ADGRF1: variants seen among roughly 807,000 people sequenced by gnomAD.
ADGRF1 encodes the protein adhesion G protein-coupled receptor F1.
Under a neutral mutation model 87.2 loss-of-function variants are expected in ADGRF1, and 85 were observed. The observed-to-expected ratio is 0.97, with a 90% CI of 0.82 to 1.17. ADGRF1 has a LOEUF of 1.17. Ranked by LOEUF, ADGRF1 falls within the 50% of genes most tolerant of loss-of-function variation. ADGRF1 has a pLI of 0.00. For missense variants in ADGRF1, 1,169 were observed against 1,077.2 expected, an observed-to-expected ratio of 1.09 and a Z score of -1.19; for synonymous variants, 430 against 408.8, an observed-to-expected ratio of 1.05 and a Z score of -0.63.
intron 1 of ADGRF1, among the ~76,000 whole-genome samples, chr6:47,031,316 GTCTCTCTCTCTCTCT>G (rs1780416959): frequency 1.1e-5 from 1 of 94,228 alleles, no homozygotes; most frequent in African/African-American, 4.0e-5. Context: ...CTGTCTCTCT[GTCTCTCTCTCTCTCT>G]TCTCTCTCTC....
In ADGRF1 at chr6:47,009,094, C is replaced by A; in HGVS notation, c.2341G>T (p.Asp781Tyr). The A allele has an allele frequency of 6.2e-7, 1 of 1,614,072 alleles. No homozygotes were observed. The highest frequency in any genetic ancestry group is 1.7e-4 in the Middle Eastern group (1 of 6,060). The change falls in exon 11 of 15, where the codon GAT (aspartate) becomes TAT (tyrosine). Residue 781 changes from aspartate (D) to tyrosine (Y), a missense_variant. Coordinates refer to ENST00000371253, the MANE Select transcript of ADGRF1 (RefSeq NM_153840.4). The stretch of plus-strand genomic sequence containing the variant: ...ACGCGGATGATGGTGGCCTTGTCAT[C>A]CCGACTCAGTCTTTCCCCAACAGTC... ...RPTVGERLSR[D>Y]DKATIIRVGK...
At chr6:47,011,868 G>T in intron 10 of ADGRF1, 139 bp downstream of exon 10, 1 of 722,674 alleles carries the variant, frequency 1.4e-6, no homozygotes, top group Non-Finnish European at 2.2e-6. Context: ...GTATACCTCA[G>T]AGGAAGCAGT....
At chr6:47,027,796 T>G (rs200150569) in intron 2 of ADGRF1, 35 bp from the exon 3 acceptor site, 2 of 1,223,216 alleles carry the variant, frequency 1.6e-6, no homozygotes, top group Non-Finnish European at 2.4e-6. Flanking sequence ...ACGGTGAGAC[T>G]TTGAAGAGTT....
intron 1 of ADGRF1, among the ~76,000 whole-genome samples, chr6:47,037,924 A>G: frequency 6.6e-6 from 1 of 152,064 alleles, no homozygotes; most frequent in Non-Finnish European, 1.5e-5. Context: ...GCAGTGGTGC[A>G]ATCTCTGCTT....
At chr6:47,006,167 T>G (rs531231473) in intron 12 of ADGRF1, among the ~76,000 whole-genome samples, 1 of 152,314 alleles carries the variant, frequency 6.6e-6, no homozygotes, top group East Asian at 1.9e-4. Context: ...GTGAAGAGTT[T>G]CCTAACCACA....
intron 5 of ADGRF1, 64 bp downstream of exon 5, chr6:47,023,980 G>T: frequency 1.4e-6 from 2 of 1,411,160 alleles, no homozygotes; most frequent in Non-Finnish European, 2.0e-6. Flanking sequence ...ATGAGCAAGC[G>T]TCCCCTCTCT....
At position 47,009,828 on chromosome 6, in the gene ADGRF1, AAC is replaced by A. The variant is rs757148706; in HGVS notation, c.1605_1606del (p.Phe536LeufsTer18). On this transcript the variant is annotated frameshift_variant, in exon 11 of 15. Transcript: ENST00000371253. LOFTEE classifies it high-confidence loss of function. ...CCACTGCAAATGACTGAAATCCCAA[AAC>A]ACACAATGAGGCTGGCTCAGGTTTG... 1.9e-6 allele frequency: 3 copies of A among 1,614,138 alleles called. No individual in the cohort carries two copies. The East Asian group carries it at 6.7e-5, about 36-fold the overall frequency.
At position 46,998,390 on chromosome 6, in the gene ADGRF1, C is replaced by T. The variant is rs149289732; in HGVS notation, c.*1832G>A. The T allele has an allele frequency of 2.6e-4, 40 of 152,280 alleles. No homozygotes were observed. The East Asian group carries it at 7.5e-3, about 29-fold the overall frequency. The allele number at this position is 152,280 out of a possible 1,614,324, so 9.4% of individuals were successfully genotyped here. ...CCTCCCACTTCTTGATGCTGGGTTC[C>T]CTCCACCTCTTTGGACAACCCTATC... On this transcript the variant is annotated 3_prime_UTR_variant, in exon 15 of 15. Coordinates refer to ENST00000371253, the MANE Select transcript of ADGRF1 (RefSeq NM_153840.4).
chr6:47,019,977 AC>A, intron 7 of ADGRF1: 1 of 987,440 alleles, frequency 1.0e-6, no homozygotes, highest in Non-Finnish European at 1.2e-6. Context: ...AAGATATCTC[AC>A]CCAAAGCCCC....
chr6:47,041,437 C>T (rs1424232790), intron 1 of ADGRF1, among the ~76,000 whole-genome samples: 1 of 152,152 alleles, frequency 6.6e-6, no homozygotes, highest in Admixed American at 6.5e-5. Flanking sequence ...CCACCTTGAC[C>T]TTCTTTCTAT....
At position 47,010,047 on chromosome 6, in the gene ADGRF1, C is replaced by A. The variant is rs45598235; in HGVS notation, c.1388G>T (p.Arg463Leu). 1 of 1,613,868 alleles carries A rather than the reference C, an allele frequency of 6.2e-7. No homozygotes were observed. The highest frequency in any genetic ancestry group is 8.5e-7 in the Non-Finnish European group (1 of 1,179,996). ...PQNTSIPIRG[R>L]VLIGSDQFQR... ...GAATTGGTCTGACCCAATTAACACA[C>A]GGCCTCTGATGGGAATAGATGTATT... Residue 463 changes from arginine to leucine, a missense_variant, in exon 11 of 15, where the codon CGT (arginine) becomes CTT (leucine). Transcript: ENST00000371253.
chr6:47,032,837 A>T (rs1554137582), intron 1 of ADGRF1, among the ~76,000 whole-genome samples: 1 of 151,832 alleles, frequency 6.6e-6, no homozygotes, highest in Non-Finnish European at 1.5e-5. Flanking sequence ...GATGGCCATC[A>T]CTCTGGAAAT....
At chr6:47,040,644 T>C (rs997977850) in intron 1 of ADGRF1, among the ~76,000 whole-genome samples, 3 of 152,170 alleles carry the variant, frequency 2.0e-5, no homozygotes, top group African/African-American at 7.2e-5. Flanking sequence ...TTCTGACTTG[T>C]GCACCCTTGT....
intron 7 of ADGRF1, chr6:47,020,067 C>T: frequency 1.0e-6 from 1 of 1,003,690 alleles, no homozygotes. Flanking sequence ...CAACCCGCAA[C>T]CCTTATCCCC....
At chr6:47,027,849 T>A in intron 2 of ADGRF1, 88 bp from the exon 3 acceptor site, 1 of 856,506 alleles carries the variant, frequency 1.2e-6, no homozygotes, top group Admixed American at 2.0e-5. Context: ...TGAATTAAAA[T>A]CATGAATCTA....
At chr6:47,026,719 T>C (rs1246720509) in intron 3 of ADGRF1, among the ~76,000 whole-genome samples, 1 of 152,066 alleles carries the variant, frequency 6.6e-6, no homozygotes, top group East Asian at 1.9e-4. Flanking sequence ...GGCTTCAAGG[T>C]CCCCCGAAGC....
In ADGRF1 at chr6:47,009,945, C is replaced by G. The variant is rs1213947220; in HGVS notation, c.1490G>C (p.Gly497Ala). The change falls in exon 11 of 15, where the codon GGA (glycine) becomes GCA (alanine). Residue 497 changes from glycine to alanine, a missense_variant. Gly to Ala is a moderately conservative substitution (Grantham distance 60). Coordinates refer to ENST00000371253, the MANE Select transcript of ADGRF1 (RefSeq NM_153840.4). Reference sequence around the variant, plus strand: ...CACAGGTCCATTGACCTGAGCATTTCCATTTTTGGAAACGGGTAGAATGTT... The same window carrying G: ...CACAGGTCCATTGACCTGAGCATTTGCATTTTTGGAAACGGGTAGAATGTT... ...LGNILPVSKNGNAQVNGPVIS... is the reference protein window; with the variant it reads ...LGNILPVSKNANAQVNGPVIS... 2 of 1,613,984 alleles carry G rather than the reference C, an allele frequency of 1.2e-6. No individual in the cohort carries two copies. The highest frequency in any genetic ancestry group is 8.5e-7 in the Non-Finnish European group (1 of 1,179,962).
chr6:47,009,068 C>T lies in ADGRF1; in HGVS notation c.2367G>A (p.Val789=). The change falls in exon 11 of 15, where the codon GTG becomes GTA. Residue 789 remains valine (V), a synonymous_variant. Coordinates refer to ENST00000371253, the MANE Select transcript of ADGRF1 (RefSeq NM_153840.4). The part of the protein sequence containing the change: ...SRDDKATIIR[V]GKSLLILTPL... The stretch of plus-strand genomic sequence containing the variant: ...GGGTCAGAATGAGGAGGCTCTTCCC[C>T]ACGCGGATGATGGTGGCCTTGTCAT... 1 of 1,614,096 alleles carries T rather than the reference C, an allele frequency of 6.2e-7. No homozygotes were observed.
intron 13 of ADGRF1, among the ~76,000 whole-genome samples, chr6:47,003,406 A>C (rs772314906): frequency 6.6e-6 from 1 of 152,194 alleles, no homozygotes; most frequent in Non-Finnish European, 1.5e-5. Context: ...ATTCTGTAGA[A>C]AATTCCCTTC....
Sources: gnomAD v4.1 joint callset for allele counts (sites outside exome capture counted in the v4.1 genomes callset) on GRCh38, gnomAD v4.1.1 for gene constraint, MANE v1.5 for transcripts, NCBI Gene and HGNC (gene_info 2026-07-23, HGNC 2026-07-21) for gene names.